The following TANK variants were observed in gnomAD, a reference collection of about 807,000 sequenced individuals.
The protein encoded by TANK is TRAF family member-associated NF-kappa-B activator.
A neutral mutation model predicts 43.6 loss-of-function variants in TANK; 15 were observed. That is an observed-to-expected ratio of 0.34 (90% CI 0.23 to 0.53). The LOEUF is 0.53. Ranked by LOEUF, TANK falls within the 20% of genes least tolerant of loss-of-function variation. The pLI is 0.94. For missense variants in TANK, 417 were observed against 498.6 expected, an observed-to-expected ratio of 0.84 and a Z score of 1.56; for synonymous variants, 162 against 178.2, an observed-to-expected ratio of 0.91 and a Z score of 0.73.
chr2:161,168,074 C>T (rs1684772764), intron 1 of TANK, among the ~76,000 whole-genome samples: 1 of 152,090 alleles, frequency 6.6e-6, no homozygotes, highest in African/African-American at 2.4e-5. Flanking sequence ...TAACGTATGG[C>T]ATTTTATGGC....
At chr2:161,233,300 G>A (rs1009237709) in intron 7 of TANK, among the ~76,000 whole-genome samples, 4 of 152,138 alleles carry the variant, frequency 2.6e-5, no homozygotes, top group South Asian at 2.1e-4. Flanking sequence ...GGGAAGCTGA[G>A]GTGGGAGGAT....
intron 4 of TANK, chr2:161,219,778 T>C (rs1008674863): frequency 1.7e-5 from 8 of 457,856 alleles, no homozygotes; most frequent in African/African-American, 1.6e-4. Context: ...ATATGTAGAC[T>C]GGTAAGGAAA....
chr2:161,193,243 T>C (rs1685999180), intron 2 of TANK, among the ~76,000 whole-genome samples: 1 of 152,196 alleles, frequency 6.6e-6, no homozygotes, highest in African/African-American at 2.4e-5. Flanking sequence ...CATTCCAAGG[T>C]AGAGGAATCT....
At chr2:161,194,909 T>C (rs1279359863) in intron 2 of TANK, among the ~76,000 whole-genome samples, 1 of 152,148 alleles carries the variant, frequency 6.6e-6, no homozygotes, top group African/African-American at 2.4e-5. Context: ...GGTAAAGCAG[T>C]TCATTCTGGT....
At chr2:161,228,211 G>A (rs1238913350) in intron 6 of TANK, among the ~76,000 whole-genome samples, 1 of 152,134 alleles carries the variant, frequency 6.6e-6, no homozygotes, top group African/African-American at 2.4e-5. Flanking sequence ...TACAATGATG[G>A]CCCCATAAGA....
intron 2 of TANK, among the ~76,000 whole-genome samples, chr2:161,188,123 CTT>C (rs1345935637): frequency 1.3e-5 from 2 of 152,006 alleles, no homozygotes; most frequent in Non-Finnish European, 2.9e-5. Context: ...AAATCAGTAA[CTT>C]AACTTTATGC....
chr2:161,228,208 A>G (rs1687728296), intron 6 of TANK, among the ~76,000 whole-genome samples: 1 of 152,212 alleles, frequency 6.6e-6, no homozygotes, highest in Non-Finnish European at 1.5e-5. Flanking sequence ...ATATACAATG[A>G]TGGCCCCATA....
chr2:161,192,498 T>G (rs768287065), intron 2 of TANK, among the ~76,000 whole-genome samples: 4 of 152,220 alleles, frequency 2.6e-5, no homozygotes, highest in Admixed American at 2.0e-4. Context: ...TTTCCATTGT[T>G]ATGCCTAGGC....
chr2:161,204,933 A>C, intron 4 of TANK, 140 bp downstream of exon 4: 1 of 1,442,842 alleles, frequency 6.9e-7, no homozygotes, highest in Non-Finnish European at 9.1e-7. Context: ...ATATTTCTAA[A>C]TAGAAGAACT....
At chr2:161,148,370 G>C (rs1213834837) in intron 1 of TANK, among the ~76,000 whole-genome samples, 2 of 151,892 alleles carry the variant, frequency 1.3e-5, no homozygotes, top group Non-Finnish European at 2.9e-5. Context: ...CGTTTTAATT[G>C]GATTGTTTGT....
At chr2:161,192,888 G>A (rs1321049580) in intron 2 of TANK, among the ~76,000 whole-genome samples, 2 of 152,160 alleles carry the variant, frequency 1.3e-5, no homozygotes, top group African/African-American at 4.8e-5. Flanking sequence ...TCAGACCGAA[G>A]ACCATATTCG....
chr2:161,143,409 A>G (rs967568990), intron 1 of TANK, among the ~76,000 whole-genome samples: 1 of 152,176 alleles, frequency 6.6e-6, no homozygotes, highest in Non-Finnish European at 1.5e-5. Context: ...ATGGTTTTCA[A>G]AGGAAATGCT....
intron 3 of TANK, among the ~76,000 whole-genome samples, chr2:161,203,833 A>G (rs1686527806): frequency 6.6e-6 from 1 of 152,156 alleles, no homozygotes; most frequent in South Asian, 2.1e-4. Flanking sequence ...CTAAAAAGCA[A>G]TTTGCCAGTA....
chr2:161,161,408 G>A, intron 1 of TANK: 3 of 1,550,854 alleles, frequency 1.9e-6, no homozygotes, highest in Non-Finnish European at 2.6e-6. Flanking sequence ...ACACCCAAAC[G>A]AGAGGTAGCA....
intron 2 of TANK, among the ~76,000 whole-genome samples, chr2:161,181,739 C>G (rs2105299985): frequency 6.6e-6 from 1 of 152,228 alleles, no homozygotes; most frequent in East Asian, 1.9e-4. Context: ...GTCCCTCCCC[C>G]AATATTGGGA....
upstream of TANK, chr2:161,156,170 T>A (rs1204996765): frequency 8.1e-6 from 8 of 985,340 alleles, no homozygotes; most frequent in East Asian, 6.8e-4. Context: ...GCATAATCTT[T>A]CTACCATTTC....
chr2:161,205,063 T>A, intron 4 of TANK: 1 of 850,466 alleles, frequency 1.2e-6, no homozygotes, highest in South Asian at 2.4e-5. Context: ...ACTGACTCAC[T>A]CCTGTAATTC....
intron 2 of TANK, among the ~76,000 whole-genome samples, chr2:161,180,527 A>G (rs768478873): frequency 2.6e-5 from 4 of 152,142 alleles, no homozygotes; most frequent in East Asian, 1.9e-4. Flanking sequence ...TTCTGATGTT[A>G]TGTTCCATGT....
chr2:161,156,985 C>T (rs1684245064), upstream of TANK, among the ~76,000 whole-genome samples: 1 of 152,178 alleles, frequency 6.6e-6, no homozygotes, highest in African/African-American at 2.4e-5. Flanking sequence ...TACACCTATC[C>T]ACTCCCTTTG....
Sources: allele counts gnomAD v4.1 joint callset (sites outside exome capture counted in the v4.1 genomes callset), GRCh38; gene constraint gnomAD v4.1.1; transcripts MANE v1.5; gene names NCBI Gene and HGNC (gene_info 2026-07-23, HGNC 2026-07-21).